SH3PXD2A: variants seen among roughly 807,000 people sequenced by gnomAD.
The protein encoded by SH3PXD2A is SH3 and PX domains 2A.
SH3PXD2A carries 32 observed loss-of-function variants against 115.2 expected under a neutral mutation model. The observed-to-expected ratio is 0.28, with a 90% CI of 0.21 to 0.37. The LOEUF is 0.37. Among genes scored for constraint, SH3PXD2A ranks in the 10% least tolerant of loss-of-function variants. The pLI is 1.00. For missense variants in SH3PXD2A, 1,328 were observed against 1,498.7 expected, an observed-to-expected ratio of 0.89 and a Z score of 1.88; for synonymous variants, 610 against 629.1, an observed-to-expected ratio of 0.97 and a Z score of 0.45.
intron 2 of SH3PXD2A, among the ~76,000 whole-genome samples, chr10:103,774,993 G>A (rs1434225784): frequency 6.6e-6 from 1 of 152,208 alleles, no homozygotes; most frequent in Non-Finnish European, 1.5e-5. Context: ...CAAGTTAAGT[G>A]ACTCTTCTAC....
chr10:103,606,619 C>A (rs1027812767), intron 13 of SH3PXD2A, among the ~76,000 whole-genome samples: 2 of 151,834 alleles, frequency 1.3e-5, no homozygotes, highest in African/African-American at 4.8e-5. Context: ...CTCAGCCTGC[C>A]GAGTGCCTGC....
At chr10:103,852,676 A>G (rs1447948778) in intron 1 of SH3PXD2A, among the ~76,000 whole-genome samples, 1 of 152,152 alleles carries the variant, frequency 6.6e-6, no homozygotes, top group East Asian at 1.9e-4. Flanking sequence ...GGGCCAGGAG[A>G]GGAAGAGGCT....
intron 3 of SH3PXD2A, among the ~76,000 whole-genome samples, chr10:103,763,310 A>C (rs1316654584): frequency 1.3e-5 from 2 of 152,204 alleles, no homozygotes; most frequent in African/African-American, 4.8e-5. Flanking sequence ...CACATCCCGC[A>C]GACTCCACAC....
At chr10:103,835,894 G>A (rs2039534741) in intron 1 of SH3PXD2A, among the ~76,000 whole-genome samples, 3 of 152,174 alleles carry the variant, frequency 2.0e-5, no homozygotes, top group African/African-American at 7.2e-5. Flanking sequence ...AAGTGGAGAG[G>A]GAGGCCCCTT....
chr10:103,605,944 A>G lies in SH3PXD2A; in HGVS notation c.1309-27T>C, dbSNP rs1592257569. On this transcript the variant is annotated intron_variant, in intron 13 of 14. Coordinates refer to ENST00000369774, the MANE Select transcript of SH3PXD2A (RefSeq NM_001394015.1). ...TAAGGTTAAGGAACACACAGTGGGC[A>G]AAACCCGCCTAAATCAGAAGAGTAA... 2.5e-6 allele frequency: 4 copies of G among 1,611,884 alleles called. No individual in the cohort carries two copies. In the East Asian group the frequency reaches 8.9e-5, roughly 36 times the overall value.
In SH3PXD2A at chr10:103,724,288, T is replaced by A; in HGVS notation, c.380A>T (p.Asp127Val). The A allele has an allele frequency of 6.3e-7, 1 of 1,575,068 alleles. No individual in the cohort carries two copies. Among genetic ancestry groups the A allele is most frequent in the Non-Finnish European group, 8.6e-7 (1 of 1,163,090 alleles). The change falls in exon 5 of 15, where the codon GAT (aspartate) becomes GTT (valine). Residue 127 changes from aspartate (D) to valine (V), a missense_variant. Asp to Val is a radical substitution (Grantham distance 152). Coordinates refer to ENST00000369774, the MANE Select transcript of SH3PXD2A (RefSeq NM_001394015.1). ...VFRFFEARPEDVNPPKEDYGS... is the reference protein window; with the variant it reads ...VFRFFEARPEVVNPPKEDYGS... Reference sequence around the variant, plus strand: ...TACTTACTCTTTTGGAGGGTTGACATCCTCGGGTCGAGCCTCGAAGAACCG... The same window carrying A: ...TACTTACTCTTTTGGAGGGTTGACAACCTCGGGTCGAGCCTCGAAGAACCG...
intron 5 of SH3PXD2A, among the ~76,000 whole-genome samples, chr10:103,702,796 AG>A (rs1449780422): frequency 4.6e-5 from 7 of 152,264 alleles, no homozygotes; most frequent in African/African-American, 1.7e-4. Flanking sequence ...TCTGTGCCTG[AG>A]GATCACATTT....
rs572640480 is a variant in SH3PXD2A, at chr10:103,767,660, T to C, written c.154-491A>G. 2.7e-5 allele frequency among the ~76,000 whole-genome samples: 4 copies of C among 149,778 alleles called. No individual in the cohort carries two copies. In the East Asian group the frequency reaches 7.7e-4, roughly 29 times the overall value. On this transcript the variant is annotated intron_variant, in intron 2 of 14. Coordinates refer to ENST00000369774, the MANE Select transcript of SH3PXD2A (RefSeq NM_001394015.1). ...GCTGTGGAAACAGAACCAGCTGTTA[T>C]TTTAATTGCAAAACCAAATCCATCC...
At chr10:103,747,429 T>G (rs901279721) in intron 3 of SH3PXD2A, among the ~76,000 whole-genome samples, 1 of 152,100 alleles carries the variant, frequency 6.6e-6, no homozygotes, top group African/African-American at 2.4e-5. Flanking sequence ...CCTCGGCTCC[T>G]CCCTCCAGGG....
chr10:103,699,729 C>G lies in SH3PXD2A; in HGVS notation c.399-6673G>C, dbSNP rs796348090. ...CAAGACAGACAGAGGGGCCTGCAGG[C>G]CATTCTCTGCCCCCATTTGCTCCCT... On this transcript the variant is annotated intron_variant, in intron 5 of 14. Transcript: ENST00000369774. Among the ~76,000 whole-genome samples the G allele has an allele frequency of 2.6e-5, 4 of 152,228 alleles. No individual in the cohort carries two copies. The South Asian group carries it at 8.3e-4, about 32-fold the overall frequency.
At chr10:103,812,716 C>A (rs2039282689) in intron 1 of SH3PXD2A, among the ~76,000 whole-genome samples, 2 of 152,322 alleles carry the variant, frequency 1.3e-5, no homozygotes, top group South Asian at 2.1e-4. Context: ...GGGGAAATGA[C>A]CCCTGGGCTT....
intron 2 of SH3PXD2A, among the ~76,000 whole-genome samples, chr10:103,778,126 G>A (rs1439288924): frequency 6.6e-6 from 1 of 152,094 alleles, no homozygotes; most frequent in Non-Finnish European, 1.5e-5. Flanking sequence ...TCAGGAGATC[G>A]AGACCATCCT....
intron 5 of SH3PXD2A, among the ~76,000 whole-genome samples, chr10:103,697,215 T>C (rs2037835788): frequency 6.6e-6 from 1 of 152,020 alleles, no homozygotes; most frequent in East Asian, 1.9e-4. Context: ...ACGAGGACAA[T>C]AATAGCACCA....
chr10:103,714,930 T>C (rs1395278811), intron 5 of SH3PXD2A, among the ~76,000 whole-genome samples: 12 of 152,170 alleles, frequency 7.9e-5, no homozygotes, highest in African/African-American at 2.9e-4. Flanking sequence ...GACAGGGACT[T>C]GGGATGCCCT....
At chr10:103,751,816 C>T (rs2038582740) in intron 3 of SH3PXD2A, among the ~76,000 whole-genome samples, 2 of 152,166 alleles carry the variant, frequency 1.3e-5, no homozygotes, top group African/African-American at 4.8e-5. Context: ...TTTCTCCAAG[C>T]CCACTGGCAA....
chr10:103,611,378 A>G (rs2036426321), intron 13 of SH3PXD2A, among the ~76,000 whole-genome samples: 1 of 152,158 alleles, frequency 6.6e-6, no homozygotes, highest in Non-Finnish European at 1.5e-5. Flanking sequence ...TTCCGATTAT[A>G]AACTGTCCAG....
rs1334020584 is a variant in SH3PXD2A at position 103,602,682 on chromosome 10, T to A, written c.2536A>T (p.Met846Leu). The A allele has an allele frequency of 6.2e-7, 1 of 1,613,884 alleles. No individual in the cohort carries two copies. Among genetic ancestry groups the A allele is most frequent in the Non-Finnish European group, 8.5e-7 (1 of 1,180,006 alleles). The change falls in exon 15 of 15, where the codon ATG becomes TTG. Residue 846 changes from methionine to leucine, a missense_variant. Physicochemically the swap from Met to Leu is conservative, Grantham distance 15 (BLOSUM62 2). Transcript: ENST00000369774. ...ACCTTCTGGTAGGCGCTGCATGTCA[T>A]GTACGAGGTGGCTGGCCCTTCCCAT... ...KEWEGPATSY[M>L]TCSAYQKVQD...
intron 4 of SH3PXD2A, among the ~76,000 whole-genome samples, chr10:103,729,474 T>C (rs560584183): frequency 2.0e-5 from 3 of 152,360 alleles, no homozygotes; most frequent in South Asian, 4.1e-4. Context: ...GACTTTCTAA[T>C]AGAGCTCAGG....
chr10:103,712,515 C>T (rs74154600), intron 5 of SH3PXD2A, among the ~76,000 whole-genome samples: 68 of 152,340 alleles, frequency 4.5e-4, no homozygotes, highest in African/African-American at 1.6e-3. Flanking sequence ...AGGCCTGAAC[C>T]CTCCTGGGAT....
Sources: gnomAD v4.1 joint callset for allele counts (sites outside exome capture counted in the v4.1 genomes callset) on GRCh38, gnomAD v4.1.1 for gene constraint, MANE v1.5 for transcripts, NCBI Gene and HGNC (gene_info 2026-07-23, HGNC 2026-07-21) for gene names.